The following DOK6 variants were observed in gnomAD, a reference collection of about 807,000 sequenced individuals.
The protein encoded by DOK6 is downstream of tyrosine kinase 6.
Under a neutral mutation model 44.0 loss-of-function variants are expected in DOK6, and 22 were observed. The observed-to-expected ratio is 0.50, with a 90% CI of 0.36 to 0.71. DOK6 has a LOEUF of 0.71. Among genes scored for constraint, DOK6 ranks in the 30% least tolerant of loss-of-function variants. The pLI is 0.00. For missense variants in DOK6, 340 were observed against 416.4 expected (o/e 0.82, Z 1.60); for synonymous variants, 166 against 145.5 (o/e 1.14, Z -1.01).
At chr18:69,477,588 T>C (rs1011336702) in intron 1 of DOK6, among the ~76,000 whole-genome samples, 63 of 152,206 alleles carry the variant, frequency 4.1e-4, no homozygotes, top group Non-Finnish European at 1.6e-4. Context: ...CATTTCTTTA[T>C]ATTTGAATAG....
intron 1 of DOK6, among the ~76,000 whole-genome samples, chr18:69,541,163 C>A (rs532033477): frequency 6.6e-6 from 1 of 151,904 alleles, no homozygotes; most frequent in South Asian, 2.1e-4. Flanking sequence ...TTTTATTTTA[C>A]CCAAATATAA....
chr18:69,445,995 C>A (rs910922164), intron 1 of DOK6, among the ~76,000 whole-genome samples: 4 of 151,672 alleles, frequency 2.6e-5, no homozygotes, highest in Non-Finnish European at 5.9e-5. Context: ...CTCTTTTTTT[C>A]GTGGTCAGTC....
chr18:69,445,781 G>A (rs1308910158), intron 1 of DOK6, among the ~76,000 whole-genome samples: 1 of 152,164 alleles, frequency 6.6e-6, no homozygotes, highest in African/African-American at 2.4e-5. Context: ...AGTGCTTTGA[G>A]AGGCTGACAC....
chr18:69,561,904 T>A (rs1041851580), intron 1 of DOK6, among the ~76,000 whole-genome samples: 2 of 152,160 alleles, frequency 1.3e-5, no homozygotes, highest in African/African-American at 2.4e-5. Flanking sequence ...AATTATATTA[T>A]CTAGGCTATA....
chr18:69,527,619 T>C (rs1981867077), intron 1 of DOK6, among the ~76,000 whole-genome samples: 1 of 152,174 alleles, frequency 6.6e-6, no homozygotes, highest in African/African-American at 2.4e-5. Flanking sequence ...CATAGCATAA[T>C]GCAATTAGAT....
intron 2 of DOK6, among the ~76,000 whole-genome samples, chr18:69,573,272 G>A (rs1239064738): frequency 7.3e-5 from 11 of 151,568 alleles, no homozygotes; most frequent in African/African-American, 2.2e-4. Flanking sequence ...AAAATGAAGC[G>A]GCAAAACAGC....
intron 3 of DOK6, among the ~76,000 whole-genome samples, chr18:69,636,337 A>T (rs1326782579): frequency 6.6e-6 from 1 of 152,196 alleles, no homozygotes; most frequent in Non-Finnish European, 1.5e-5. Flanking sequence ...GACACAAGAT[A>T]TTATGAGGAC....
intron 1 of DOK6, among the ~76,000 whole-genome samples, chr18:69,531,442 C>T (rs943463019): frequency 1.3e-5 from 2 of 151,026 alleles, no homozygotes; most frequent in African/African-American, 4.9e-5. Flanking sequence ...CTTTACGAAA[C>T]AAAAATAAGT....
At chr18:69,767,163 C>T (rs564389417) in intron 7 of DOK6, among the ~76,000 whole-genome samples, 3 of 152,110 alleles carry the variant, frequency 2.0e-5, no homozygotes, top group East Asian at 1.9e-4. Context: ...ACCCGGGAGG[C>T]GGAGGTTGCA....
chr18:69,536,754 ATTT>A (rs1405779998), intron 1 of DOK6, among the ~76,000 whole-genome samples: 6 of 151,850 alleles, frequency 4.0e-5, no homozygotes, highest in Non-Finnish European at 8.8e-5. Flanking sequence ...ATATCACAAG[ATTT>A]TTTGTTTTAA....
chr18:69,689,060 A>C (rs1286146166), intron 4 of DOK6, among the ~76,000 whole-genome samples: 1 of 152,228 alleles, frequency 6.6e-6, no homozygotes, highest in Non-Finnish European at 1.5e-5. Context: ...GCCATCAAAA[A>C]ATTAAAAATA....
intron 4 of DOK6, among the ~76,000 whole-genome samples, chr18:69,692,569 T>G (rs532487013): frequency 4.6e-5 from 7 of 152,344 alleles, no homozygotes; most frequent in Non-Finnish European, 1.0e-4. Flanking sequence ...TTTAAAGTTA[T>G]TTTGACCAGT....
intron 3 of DOK6, chr18:69,662,504 C>T (rs1045494418): frequency 6.6e-6 from 1 of 152,202 alleles, no homozygotes; most frequent in Non-Finnish European, 1.5e-5. Context: ...TTTATTACTA[C>T]TTGCTCCAAA....
chr18:69,781,356 T>A (rs1980261249), intron 7 of DOK6: 1 of 152,188 alleles, frequency 6.6e-6, no homozygotes, highest in African/African-American at 2.4e-5. Flanking sequence ...TCACCATCTG[T>A]TCATGGATAC....
chr18:69,693,962 G>C (rs1381140412), intron 4 of DOK6, among the ~76,000 whole-genome samples: 1 of 149,594 alleles, frequency 6.7e-6, no homozygotes, highest in African/African-American at 2.5e-5. Context: ...GGGAGGCTGA[G>C]GCAGGAGAAT....
At position 69,841,555 on chromosome 18, in the gene DOK6, G is replaced by A; in HGVS notation, c.*172G>A. The A allele has an allele frequency of 1.3e-6, 1 of 773,792 alleles. No individual in the cohort carries two copies. The highest frequency in any genetic ancestry group is 1.9e-6 in the Non-Finnish European group (1 of 520,514). 47.9% of individuals were successfully genotyped at this position (773,792 alleles called of 1,614,324 possible). A position where few individuals can be genotyped will look rare whatever the true frequency, so the allele number is the denominator to read the frequency against. ...GGAGTTCTGCTTCCTTGATTCAGTGGCTAAGTCCTTTATTTATTGAATTTC... is the reference window on the plus strand; with the variant it reads ...GGAGTTCTGCTTCCTTGATTCAGTGACTAAGTCCTTTATTTATTGAATTTC... On this transcript the variant is annotated 3_prime_UTR_variant, in exon 8 of 8. Transcript: ENST00000382713.
At chr18:69,463,935 T>G (rs1219293739) in intron 1 of DOK6, among the ~76,000 whole-genome samples, 1 of 152,184 alleles carries the variant, frequency 6.6e-6, no homozygotes, top group African/African-American at 2.4e-5. Flanking sequence ...CTGTAATTAC[T>G]GCTACTTTTA....
At chr18:69,627,671 G>C (rs369524630) in intron 3 of DOK6, among the ~76,000 whole-genome samples, 4 of 152,022 alleles carry the variant, frequency 2.6e-5, no homozygotes, top group East Asian at 3.9e-4. Flanking sequence ...GGATGGTCTC[G>C]ATCTCCTGAC....
At chr18:69,671,386 T>G (rs866882195) in intron 3 of DOK6, among the ~76,000 whole-genome samples, 1 of 152,182 alleles carries the variant, frequency 6.6e-6, no homozygotes, top group Non-Finnish European at 1.5e-5. Context: ...CAAAGATGCA[T>G]TTAGGTGGTA....
Sources: allele counts gnomAD v4.1 joint callset (sites outside exome capture counted in the v4.1 genomes callset), GRCh38; gene constraint gnomAD v4.1.1; transcripts MANE v1.5; gene names NCBI Gene and HGNC (gene_info 2026-07-23, HGNC 2026-07-21).